COL4A5: variants seen among roughly 807,000 people sequenced by gnomAD.
COL4A5 encodes the protein collagen alpha-5(IV) chain.
COL4A5 carries 26 observed loss-of-function variants against 130.2 expected under a neutral mutation model. The ratio of observed to expected loss-of-function variants is 0.20; its 90% CI spans 0.15 to 0.28. COL4A5 has a LOEUF of 0.28. COL4A5 is among the 10% of genes least tolerant of loss of function. The pLI, the probability that COL4A5 is intolerant of heterozygous loss-of-function variation, is 1.00. For missense variants in COL4A5, 1,131 were observed against 1,344.3 expected, an observed-to-expected ratio of 0.84 and a Z score of 2.48; for synonymous variants, 496 against 439.6, an observed-to-expected ratio of 1.13 and a Z score of -1.60.
At chrX:108,473,633 A>ATATATATATATATATATATATT in intron 1 of COL4A5, among the ~76,000 whole-genome samples, 19 of 34,560 alleles carry the variant, frequency 5.5e-4, no homozygotes, top group South Asian at 1.3e-3. Flanking sequence ...ATATATATAT[A>ATATATATATATATATATATATT]TTTTTTTTTT....
At chrX:108,469,556 T>C (rs1360770965) in intron 1 of COL4A5, among the ~76,000 whole-genome samples, 2 of 111,968 alleles carry the variant, frequency 1.8e-5, no homozygotes, top group African/African-American at 6.5e-5. Flanking sequence ...TTAGTTTAGC[T>C]AAAGATTTGT....
chrX:108,440,421 G>A (rs1355885443), intron 1 of COL4A5: 21 of 411,057 alleles, frequency 5.1e-5, no homozygotes, highest in Non-Finnish European at 8.5e-5. Context: ...AAATAGGGCT[G>A]CTTGCTTCCC....
intron 29 of COL4A5, among the ~76,000 whole-genome samples, chrX:108,609,617 A>G (rs1366396422): frequency 9.0e-6 from 1 of 111,308 alleles, no homozygotes; most frequent in African/African-American, 3.3e-5. Flanking sequence ...TTCTTATATG[A>G]TTATAATTTT....
intron 1 of COL4A5, among the ~76,000 whole-genome samples, chrX:108,515,195 T>C (rs1040822900): frequency 8.9e-6 from 1 of 111,996 alleles, no homozygotes; most frequent in Non-Finnish European, 1.9e-5. Flanking sequence ...ATCAGCATGA[T>C]TGCCTCAATC....
intron 1 of COL4A5, among the ~76,000 whole-genome samples, chrX:108,501,966 C>CT (rs1163647004): frequency 2.1e-4 from 22 of 105,891 alleles, no homozygotes; most frequent in African/African-American, 8.0e-4. Context: ...ATCACTTCTG[C>CT]TTTTCTTTTT....
At chrX:108,444,473 C>T (rs2064433508) in intron 1 of COL4A5, among the ~76,000 whole-genome samples, 1 of 111,766 alleles carries the variant, frequency 8.9e-6, no homozygotes, top group Admixed American at 9.5e-5. Flanking sequence ...CCCGCCTTGG[C>T]CTCCCAAAGT....
intron 46 of COL4A5, 39 bp from the exon 47 acceptor site, chrX:108,681,721 T>G (rs372198353): frequency 1.7e-6 from 2 of 1,206,080 alleles, no homozygotes; most frequent in African/African-American, 1.8e-5. Flanking sequence ...TCTTGTAACC[T>G]TTCTCTTTCC....
At chrX:108,496,486 A>G (rs759807641) in intron 1 of COL4A5, among the ~76,000 whole-genome samples, 3 of 111,414 alleles carry the variant, frequency 2.7e-5, no homozygotes, top group Admixed American at 9.6e-5. Flanking sequence ...AATATGTTCT[A>G]TCTTGGTGTG....
intron 40 of COL4A5, among the ~76,000 whole-genome samples, chrX:108,667,863 G>A (rs1012546133): frequency 4.5e-5 from 5 of 111,185 alleles, no homozygotes; most frequent in African/African-American, 6.5e-5. Flanking sequence ...AATTTTGCTA[G>A]ACGGTGATTA....
chrX:108,685,708 G>C (rs777264353), intron 47 of COL4A5, among the ~76,000 whole-genome samples: 2 of 112,276 alleles, frequency 1.8e-5, no homozygotes, highest in Admixed American at 9.5e-5. Context: ...TCAAGTGACA[G>C]TCTTATCAAA....
At chrX:108,509,253 G>A (rs2065158141) in intron 1 of COL4A5, among the ~76,000 whole-genome samples, 1 of 111,436 alleles carries the variant, frequency 9.0e-6, no homozygotes, top group African/African-American at 3.3e-5. Flanking sequence ...ACATAGAGTG[G>A]AACAACACAC....
intron 25 of COL4A5, among the ~76,000 whole-genome samples, chrX:108,600,547 T>C (rs1484854550): frequency 9.0e-6 from 1 of 111,433 alleles, no homozygotes; most frequent in Non-Finnish European, 1.9e-5. Context: ...AATGCTCTTT[T>C]GGCCTACATT....
intron 1 of COL4A5, among the ~76,000 whole-genome samples, chrX:108,492,279 T>C (rs2064999753): frequency 8.9e-6 from 1 of 111,931 alleles, no homozygotes; most frequent in Admixed American, 9.6e-5. Flanking sequence ...AGGAAATTTC[T>C]GTTTCAAATC....
In COL4A5 at chrX:108,547,415, A is replaced by G. The variant is rs1404483542; in HGVS notation, c.141+7610A>G. ...CATGGGTATCAGCAGCAGAGGCTGC[A>G]CAAGAGTGAATATTGGTGAACAGCA... On this transcript the variant is annotated intron_variant, in intron 2 of 52. Transcript: ENST00000328300. 2.7e-5 allele frequency among the ~76,000 whole-genome samples: 3 copies of G among 111,784 alleles called. No individual in the cohort carries two copies. The East Asian group carries it at 8.5e-4, about 32-fold the overall frequency.
chrX:108,607,192 C>A (rs1249976800), intron 29 of COL4A5, among the ~76,000 whole-genome samples: 1 of 109,525 alleles, frequency 9.1e-6, no homozygotes, highest in Non-Finnish European at 1.9e-5. Context: ...CATGGCGAAA[C>A]CCCGTCTCTA....
At chrX:108,612,738 T>C in intron 29 of COL4A5, among the ~76,000 whole-genome samples, 1 of 111,767 alleles carries the variant, frequency 8.9e-6, no homozygotes, top group Non-Finnish European at 1.9e-5. Flanking sequence ...ATTGAAAATA[T>C]TCTCAAGGAG....
chrX:108,604,770 T>C (rs1404070483), intron 28 of COL4A5, among the ~76,000 whole-genome samples: 1 of 112,470 alleles, frequency 8.9e-6, no homozygotes, highest in Non-Finnish European at 1.9e-5. Flanking sequence ...ATCTGTTGTT[T>C]AGTGTAGTCA....
intron 3 of COL4A5, among the ~76,000 whole-genome samples, chrX:108,561,218 T>A (rs923728309): frequency 1.8e-5 from 2 of 111,830 alleles, no homozygotes; most frequent in Admixed American, 9.5e-5. Context: ...AATCAGAATC[T>A]TGTGAACTAC....
intron 29 of COL4A5, among the ~76,000 whole-genome samples, chrX:108,611,309 A>G (rs942086361): frequency 1.8e-5 from 2 of 111,277 alleles, no homozygotes; most frequent in Non-Finnish European, 1.9e-5. Context: ...TTTACCTCAT[A>G]TATTACTTTT....
Sources: gnomAD v4.1 joint callset for allele counts (sites outside exome capture counted in the v4.1 genomes callset) on GRCh38, gnomAD v4.1.1 for gene constraint, MANE v1.5 for transcripts, NCBI Gene and HGNC (gene_info 2026-07-23, HGNC 2026-07-21) for gene names.